Variants in MRTFB observed in about 807,000 individuals in gnomAD.
The protein encoded by MRTFB is myocardin related transcription factor B.
In MRTFB, 29 loss-of-function variants were observed where a neutral mutation model predicts 104.2. The observed-to-expected ratio is 0.28, with a 90% CI of 0.21 to 0.38. MRTFB has a LOEUF of 0.38. Among genes scored for constraint, MRTFB ranks in the 10% least tolerant of loss-of-function variants. MRTFB has a pLI of 1.00. For missense variants in MRTFB, 1,270 were observed against 1,341.6 expected (o/e 0.95, Z 0.83); for synonymous variants, 535 against 519.5 (o/e 1.03, Z -0.41).
intron 4 of MRTFB, 63 bp downstream of exon 4, chr16:14,210,371 G>T: frequency 7.9e-7 from 1 of 1,264,340 alleles, no homozygotes; most frequent in Non-Finnish European, 1.1e-6. Flanking sequence ...TGTCCAAGAA[G>T]AGCCTGCATC....
the MRTFB span, among the ~76,000 whole-genome samples, chr16:14,017,913 G>T: frequency 4.0e-5 from 6 of 150,694 alleles, no homozygotes; most frequent in African/African-American, 1.5e-4. Context: ...ATAGAAATGG[G>T]TTCTTGCTAT....
intron 9 of MRTFB, among the ~76,000 whole-genome samples, chr16:14,235,648 A>T (rs1025433913): frequency 6.6e-6 from 1 of 152,204 alleles, no homozygotes; most frequent in Non-Finnish European, 1.5e-5. Context: ...GAATTCTTCC[A>T]GTGTTTCTAT....
intron 2 of MRTFB, among the ~76,000 whole-genome samples, chr16:14,091,186 G>T (rs2035043739): frequency 6.6e-6 from 1 of 152,118 alleles, no homozygotes; most frequent in Non-Finnish European, 1.5e-5. Context: ...CAGTTGATGA[G>T]GACCTGAACT....
intron 3 of MRTFB, among the ~76,000 whole-genome samples, chr16:14,166,082 C>A (rs1440186579): frequency 6.6e-6 from 1 of 152,118 alleles, no homozygotes; most frequent in Non-Finnish European, 1.5e-5. Flanking sequence ...GCAGCCACTT[C>A]CAAATGTGCA....
the MRTFB span, among the ~76,000 whole-genome samples, chr16:14,039,965 C>A: frequency 2.6e-5 from 4 of 152,098 alleles, no homozygotes; most frequent in African/African-American, 4.8e-5. Context: ...TCAGGCTGGT[C>A]TTGAACTCCC....
In MRTFB at chr16:14,247,216, G is replaced by A. The variant is rs1347330712; in HGVS notation, c.1956G>A (p.Gln652=). The A allele has an allele frequency of 6.2e-7, 1 of 1,614,170 alleles. No homozygotes were observed. The highest frequency in any genetic ancestry group is 1.1e-5 in the South Asian group (1 of 91,080). ...ASLPDCSSSR[Q]PIPVASHAVG... is the part of the protein sequence containing the mutation. ...TCCCTGACTGCTCCAGCTCCAGGCAGCCCATCCCAGTAGCCAGCCACGCTG... is the reference window on the plus strand; with the variant it reads ...TCCCTGACTGCTCCAGCTCCAGGCAACCCATCCCAGTAGCCAGCCACGCTG... Residue 652 remains glutamine (Q), a synonymous_variant, in exon 12 of 17, where the codon CAG becomes CAA. Transcript: ENST00000571589.
chr16:14,063,140 G>C, the MRTFB span, among the ~76,000 whole-genome samples: 181 of 152,278 alleles, frequency 1.2e-3, 5 homozygotes, highest in East Asian at 0.03. Flanking sequence ...ATCCAGCACT[G>C]GGTGCGGCAG....
Position 14,218,993 on chromosome 16 carries a change from G to C in MRTFB, c.688G>C (p.Ala230Pro), listed in dbSNP as rs748833181. The change falls in exon 8 of 17, where the codon GCG becomes CCG. Residue 230 changes from alanine to proline, a missense_variant. By Grantham distance (27) the Ala-to-Pro change is conservative. Transcript: ENST00000571589. ...ATCTCCTGTGACTACAAACACTCCAGCGCAGGTATTATCTTTCTGGTTTTG... is the reference window on the plus strand; with the variant it reads ...ATCTCCTGTGACTACAAACACTCCACCGCAGGTATTATCTTTCTGGTTTTG... Reference protein sequence around the residue: ...SPSPVTTNTPAQFASVSPTVP... With the variant: ...SPSPVTTNTPPQFASVSPTVP... The C allele has an allele frequency of 2.5e-6, 4 of 1,607,962 alleles. No individual in the cohort carries two copies. In the African/African-American group the frequency reaches 4.0e-5, roughly 16 times the overall value.
chr16:14,098,798 A>G lies in MRTFB; in HGVS notation c.-64+19444A>G, dbSNP rs540455585. ...GTAGATCAAAGTTCATATTTCTTGC[A>G]TATGGCTATTTAGTTGTTCGAGCAC... On this transcript the variant is annotated intron_variant, in intron 2 of 16. Transcript: ENST00000571589. Among the ~76,000 whole-genome samples, 3 of 152,332 alleles carry G rather than the reference A, an allele frequency of 2.0e-5. No homozygotes were observed. In the South Asian group the frequency reaches 6.2e-4, roughly 32 times the overall value.
chr16:14,121,734 A>G (rs2036855055), intron 2 of MRTFB, among the ~76,000 whole-genome samples: 2 of 152,216 alleles, frequency 1.3e-5, no homozygotes, highest in Admixed American at 6.5e-5. Context: ...AATTTGACGC[A>G]ATACCAAAGG....
chr16:14,130,559 G>A (rs891645925), intron 2 of MRTFB, among the ~76,000 whole-genome samples: 1 of 152,176 alleles, frequency 6.6e-6, no homozygotes, highest in Admixed American at 6.5e-5. Context: ...CTTGCCAGTG[G>A]TGTATGTTAT....
At chr16:14,256,110 CA>C (rs201182839) in intron 15 of MRTFB, among the ~76,000 whole-genome samples, 2,746 of 73,360 alleles carry the variant, frequency 0.037, 78 homozygotes, top group African/African-American at 0.1. Context: ...GAGACTGTCT[CA>C]AAAAAAAAAA....
the MRTFB span, among the ~76,000 whole-genome samples, chr16:14,053,497 C>G: frequency 6.6e-6 from 1 of 151,954 alleles, no homozygotes; most frequent in Non-Finnish European, 1.5e-5. Context: ...CTTTGGGAGG[C>G]CAAGGCGGGC....
intron 3 of MRTFB, among the ~76,000 whole-genome samples, chr16:14,182,459 T>C (rs2039802597): frequency 6.6e-6 from 1 of 152,168 alleles, no homozygotes; most frequent in Admixed American, 6.5e-5. Flanking sequence ...GATGAACTCA[T>C]GGTTTTCAAT....
At chr16:14,200,766 G>A in intron 3 of MRTFB, 4 of 1,473,740 alleles carry the variant, frequency 2.7e-6, no homozygotes, top group Admixed American at 1.7e-5. Context: ...CCAGTGCTGT[G>A]GGTGATACTT....
At chr16:14,222,418 G>A (rs911558595) in intron 8 of MRTFB, among the ~76,000 whole-genome samples, 29 of 151,882 alleles carry the variant, frequency 1.9e-4, no homozygotes, top group Non-Finnish European at 3.2e-4. Flanking sequence ...GAGTTTTTTT[G>A]TGTGATTTTT....
At chr16:14,022,763 T>C in the MRTFB span, among the ~76,000 whole-genome samples, 3 of 150,656 alleles carry the variant, frequency 2.0e-5, no homozygotes, top group African/African-American at 7.3e-5. Context: ...TTTTTTTTTT[T>C]TTTTGAGACA....
chr16:14,129,701 T>G (rs2037342053), intron 2 of MRTFB, among the ~76,000 whole-genome samples: 1 of 152,188 alleles, frequency 6.6e-6, no homozygotes, highest in Non-Finnish European at 1.5e-5. Flanking sequence ...TGCCAACACT[T>G]GCTTTTGTCT....
intron 2 of MRTFB, among the ~76,000 whole-genome samples, chr16:14,103,285 G>T (rs777337600): frequency 2.6e-5 from 4 of 152,148 alleles, no homozygotes; most frequent in Non-Finnish European, 5.9e-5. Flanking sequence ...CTGATCAAAG[G>T]TGCTCAGGGA....
Sources: allele counts gnomAD v4.1 joint callset (sites outside exome capture counted in the v4.1 genomes callset), GRCh38; gene constraint gnomAD v4.1.1; transcripts MANE v1.5; gene names NCBI Gene and HGNC (gene_info 2026-07-23, HGNC 2026-07-21).